The following BTRC variants were observed in gnomAD, a reference collection of about 807,000 sequenced individuals.
BTRC encodes the protein F-box/WD repeat-containing protein 1A.
A neutral mutation model predicts 85.5 loss-of-function variants in BTRC; 42 were observed. The ratio of observed to expected loss-of-function variants is 0.49; its 90% CI spans 0.38 to 0.64. The LOEUF is 0.64. Among genes scored for constraint, BTRC ranks in the 30% least tolerant of loss-of-function variants. The pLI, the probability that BTRC is intolerant of heterozygous loss-of-function variation, is 0.00. For synonymous variants in BTRC, 255 were observed against 263.3 expected (o/e 0.97, Z 0.30); for missense variants, 594 against 743.5 (o/e 0.80, Z 2.34).
At chr10:101,448,862 A>G (rs923533892) in intron 2 of BTRC, among the ~76,000 whole-genome samples, 1 of 151,960 alleles carries the variant, frequency 6.6e-6, no homozygotes, top group African/African-American at 2.4e-5. Flanking sequence ...ATACCCTTCA[A>G]TATCTATGCT....
At chr10:101,455,800 CA>C (rs1202852576) in intron 2 of BTRC, among the ~76,000 whole-genome samples, 3 of 151,998 alleles carry the variant, frequency 2.0e-5, no homozygotes, top group Non-Finnish European at 2.9e-5. Context: ...CTGTTATTGC[CA>C]AAAAGCTATA....
intron 1 of BTRC, among the ~76,000 whole-genome samples, chr10:101,427,854 G>A (rs1451886739): frequency 6.6e-6 from 1 of 152,080 alleles, no homozygotes; most frequent in Non-Finnish European, 1.5e-5. Flanking sequence ...TACCAGAACA[G>A]CATTTAATAA....
chr10:101,535,054 TAATA>T, intron 10 of BTRC, 144 bp downstream of exon 10: 1 of 989,064 alleles, frequency 1.0e-6, no homozygotes, highest in Non-Finnish European at 1.5e-6. Flanking sequence ...TGAAAAGGTG[TAATA>T]AGTGAGACGT....
chr10:101,518,549 G>A (rs995831463), intron 4 of BTRC, among the ~76,000 whole-genome samples: 3 of 152,182 alleles, frequency 2.0e-5, no homozygotes, highest in Non-Finnish European at 4.4e-5. Flanking sequence ...GGGAGGAGTA[G>A]CATTCATGTA....
chr10:101,361,457 A>C (rs1350547434), intron 1 of BTRC, among the ~76,000 whole-genome samples: 2 of 152,246 alleles, frequency 1.3e-5, no homozygotes, highest in African/African-American at 4.8e-5. Context: ...TATAGTGAGA[A>C]TCCATTGAGG....
chr10:101,368,503 A>G (rs1190395609), intron 1 of BTRC, among the ~76,000 whole-genome samples: 1 of 106,854 alleles, frequency 9.4e-6, no homozygotes, highest in Non-Finnish European at 1.7e-5. Context: ...TTTTAGAGAC[A>G]GGGTCTCACT....
intron 4 of BTRC, among the ~76,000 whole-genome samples, chr10:101,506,448 A>G (rs1279329846): frequency 1.3e-5 from 2 of 152,166 alleles, no homozygotes; most frequent in East Asian, 3.8e-4. Context: ...TCAGTCTGAT[A>G]GACTTGGCAA....
At chr10:101,358,316 G>A (rs1042172383) in intron 1 of BTRC, among the ~76,000 whole-genome samples, 1 of 151,956 alleles carries the variant, frequency 6.6e-6, no homozygotes, top group African/African-American at 2.4e-5. Context: ...GTTGACAGGG[G>A]TGGTTTTTGA....
intron 1 of BTRC, among the ~76,000 whole-genome samples, chr10:101,366,062 A>G (rs1158241701): frequency 2.0e-5 from 3 of 152,084 alleles, no homozygotes; most frequent in African/African-American, 7.2e-5. Context: ...ATTGCCATGT[A>G]TAAGTAAGGG....
chr10:101,419,259 C>T lies in BTRC; in HGVS notation c.49-11086C>T, dbSNP rs186351140. Among the ~76,000 whole-genome samples, 8 of 152,234 alleles carry T rather than the reference C, an allele frequency of 5.3e-5. No homozygotes were observed. The East Asian group carries it at 9.7e-4, about 18-fold the overall frequency. On this transcript the variant is annotated intron_variant, in intron 1 of 14. Transcript: ENST00000370187. ...CTCCTGACCTCAGGCGATCCACCCACGTCGGCCTCCCAAAGTGCTGGGATT... is the reference window on the plus strand; with the variant it reads ...CTCCTGACCTCAGGCGATCCACCCATGTCGGCCTCCCAAAGTGCTGGGATT...
At chr10:101,414,978 A>T (rs1185555180) in intron 1 of BTRC, among the ~76,000 whole-genome samples, 2 of 152,100 alleles carry the variant, frequency 1.3e-5, no homozygotes, top group African/African-American at 2.4e-5. Context: ...AGACAAAAGT[A>T]TGTTTTAATA....
intron 4 of BTRC, among the ~76,000 whole-genome samples, chr10:101,505,815 C>A (rs1246414470): frequency 2.0e-5 from 3 of 151,874 alleles, no homozygotes; most frequent in Admixed American, 2.0e-4. Flanking sequence ...TTGCTTGACC[C>A]CCCCCATAGA....
intron 2 of BTRC, among the ~76,000 whole-genome samples, chr10:101,456,126 G>A (rs1404116776): frequency 4.6e-5 from 7 of 151,242 alleles, no homozygotes; most frequent in African/African-American, 7.3e-5. Context: ...AGCCGAGGTC[G>A]CCACTGTCCT....
At chr10:101,365,859 G>A (rs1305034498) in intron 1 of BTRC, among the ~76,000 whole-genome samples, 1 of 152,046 alleles carries the variant, frequency 6.6e-6, no homozygotes, top group Non-Finnish European at 1.5e-5. Context: ...AGTATATTGA[G>A]TATATGCATT....
intron 6 of BTRC, among the ~76,000 whole-genome samples, chr10:101,530,878 A>G (rs2134406003): frequency 6.6e-6 from 1 of 152,312 alleles, no homozygotes; most frequent in South Asian, 2.1e-4. Context: ...AGTTCCTTAT[A>G]AATATATAAT....
chr10:101,495,983 C>T lies in BTRC; in HGVS notation c.324+16526C>T, dbSNP rs972142440. ...TACATTAGTTCTGCCTGGTTTTGAG[C>T]CTCATATAAATGGAATCATATAGTA... is the stretch of plus-strand genomic sequence containing the variant. On this transcript the variant is annotated intron_variant, in intron 4 of 14. Transcript: ENST00000370187. Among the ~76,000 whole-genome samples, 51 of 148,170 alleles carry T rather than the reference C, an allele frequency of 3.4e-4. 1 individual carries two copies. The highest frequency in any genetic ancestry group is 5.0e-4 in the Non-Finnish European group (34 of 67,410).
At chr10:101,532,216 T>C (rs1277126401) in intron 7 of BTRC, 79 bp from the exon 8 acceptor site, 5 of 1,463,598 alleles carry the variant, frequency 3.4e-6, no homozygotes, top group African/African-American at 2.8e-5. Flanking sequence ...CATTGAGCCA[T>C]TGATTGTCAT....
intron 1 of BTRC, among the ~76,000 whole-genome samples, chr10:101,400,711 C>A (rs1354739307): frequency 6.6e-6 from 1 of 152,170 alleles, no homozygotes; most frequent in Admixed American, 6.5e-5. Context: ...TAACATGATA[C>A]CAGCCTCTGT....
Position 101,366,996 on chromosome 10 carries a change from A to ATATTTATATATTTT in BTRC, c.48+12771_48+12772insTTATATATTTTTAT, listed in dbSNP as rs1942462335. Reference sequence around the variant, plus strand: ...TATATTTATATATTTATATATATTAATATATATATTTATATATATATTTAT... The same window carrying ATATTTATATATTTT: ...TATATTTATATATTTATATATATTAATATTTATATATTTTTATATATATTTATATATATATTTAT... On this transcript the variant is annotated intron_variant, in intron 1 of 14. Coordinates refer to ENST00000370187, the MANE Select transcript of BTRC (RefSeq NM_033637.4). 7.9e-5 allele frequency among the ~76,000 whole-genome samples: 4 copies of ATATTTATATATTTT among 50,348 alleles called. 1 individual carries two copies. Among genetic ancestry groups the ATATTTATATATTTT allele is most frequent in the African/African-American group, 3.1e-4 (4 of 13,048 alleles). 33.0% of individuals were successfully genotyped at this position (50,348 alleles called of 152,430 possible).
Sources: allele counts gnomAD v4.1 joint callset (sites outside exome capture counted in the v4.1 genomes callset), GRCh38; gene constraint gnomAD v4.1.1; transcripts MANE v1.5; gene names NCBI Gene and HGNC (gene_info 2026-07-23, HGNC 2026-07-21).